Variants in MFN1 observed in about 807,000 individuals in gnomAD.
MFN1 encodes the protein mitofusin-1.
MFN1 carries 65 observed loss-of-function variants against 92.4 expected under a neutral mutation model. The ratio of observed to expected loss-of-function variants is 0.70; its 90% CI spans 0.58 to 0.86. The LOEUF (loss-of-function observed/expected upper bound fraction) is 0.86. MFN1 is among the 40% of genes least tolerant of loss of function. The pLI is 0.00. For missense variants in MFN1, 781 were observed against 868.0 expected (o/e 0.90, Z 1.26); for synonymous variants, 297 against 300.9 (o/e 0.99, Z 0.13).
At chr3:179,347,920 C>T (rs890036677) in intron 1 of MFN1, 110 bp downstream of exon 1, 1 of 152,272 alleles carries the variant, frequency 6.6e-6, no homozygotes, top group Non-Finnish European at 1.5e-5. Flanking sequence ...CGAGGCGCCG[C>T]CCGCCGCGGT....
intron 3 of MFN1, among the ~76,000 whole-genome samples, chr3:179,356,644 T>A (rs1231754432): frequency 6.6e-6 from 1 of 152,130 alleles, no homozygotes; most frequent in Non-Finnish European, 1.5e-5. Flanking sequence ...AGTTGTTTTT[T>A]TTGTTCGTTT....
intron 16 of MFN1, among the ~76,000 whole-genome samples, chr3:179,387,943 A>G (rs2108560043): frequency 6.6e-6 from 1 of 152,210 alleles, no homozygotes; most frequent in South Asian, 2.1e-4. Flanking sequence ...CATGTTGGCC[A>G]GGATGGTCTC....
intron 4 of MFN1, 96 bp from the exon 5 acceptor site, chr3:179,362,262 A>G (rs921445521): frequency 8.3e-7 from 1 of 1,207,664 alleles, no homozygotes; most frequent in Non-Finnish European, 1.1e-6. Flanking sequence ...CCTTTTATAT[A>G]CCTGTTTTGC....
chr3:179,359,619 T>TTA (rs71181286), intron 4 of MFN1: 1 of 139,304 alleles, frequency 7.2e-6, no homozygotes, highest in Non-Finnish European at 1.5e-5. Context: ...TTTTTTTTTT[T>TTA]ATTAGAGACA....
At chr3:179,355,465 A>G (rs1043642097) in intron 3 of MFN1, among the ~76,000 whole-genome samples, 2 of 152,192 alleles carry the variant, frequency 1.3e-5, no homozygotes, top group South Asian at 2.1e-4. Context: ...ATACAACTAT[A>G]TATATTCAAG....
In MFN1 at chr3:179,375,464, ACTGATGC is replaced by A; in HGVS notation, c.1097+126_1097+132del. 5.4e-6 allele frequency: 6 copies of A among 1,106,760 alleles called. No individual in the cohort carries two copies. The South Asian group carries it at 7.0e-5, about 13-fold the overall frequency. The allele number at this position is 1,106,760 out of a possible 1,614,324, so 68.6% of individuals were successfully genotyped here. On this transcript the variant is annotated intron_variant, in intron 10 of 17. Coordinates refer to ENST00000471841, the MANE Select transcript of MFN1 (RefSeq NM_033540.3). ...CACTGAAATCAACCTTGTGGGTTTA[ACTGATGC>A]CTACTTCTATATTTTTAAGTGCGTA...
At chr3:179,385,062 C>T (rs1713623133) in intron 14 of MFN1, among the ~76,000 whole-genome samples, 1 of 150,922 alleles carries the variant, frequency 6.6e-6, no homozygotes, top group African/African-American at 2.4e-5. Context: ...TCCACCACCT[C>T]GCTGGGCTAA....
intron 5 of MFN1, among the ~76,000 whole-genome samples, chr3:179,363,874 A>G (rs906031614): frequency 2.0e-5 from 3 of 152,152 alleles, no homozygotes; most frequent in Non-Finnish European, 4.4e-5. Flanking sequence ...ATATATACCC[A>G]TAAAAATTTT....
At chr3:179,362,578 G>T in intron 5 of MFN1, 96 bp downstream of exon 5, 1 of 1,171,650 alleles carries the variant, frequency 8.5e-7, no homozygotes, top group Non-Finnish European at 1.2e-6. Context: ...ACAACATTCA[G>T]TTGCCATTTT....
At chr3:179,375,844 T>C (rs761861861) in intron 10 of MFN1, among the ~76,000 whole-genome samples, 10 of 152,232 alleles carry the variant, frequency 6.6e-5, no homozygotes, top group Admixed American at 3.3e-4. Flanking sequence ...CTTTATGTTA[T>C]ACTGTACGGC....
chr3:179,390,527 A>G (rs1187575637), intron 17 of MFN1, among the ~76,000 whole-genome samples: 1 of 152,206 alleles, frequency 6.6e-6, no homozygotes, highest in Non-Finnish European at 1.5e-5. Flanking sequence ...GGGACTATTG[A>G]TTATGTATAC....
At chr3:179,377,803 G>A (rs1430565268) in intron 12 of MFN1, among the ~76,000 whole-genome samples, 3 of 151,976 alleles carry the variant, frequency 2.0e-5, no homozygotes, top group Non-Finnish European at 2.9e-5. Context: ...GGTGGCTCCC[G>A]CCTTTAATCC....
intron 14 of MFN1, among the ~76,000 whole-genome samples, chr3:179,380,408 A>G (rs2108551674): frequency 7.1e-6 from 1 of 140,974 alleles, no homozygotes; most frequent in East Asian, 2.1e-4. Flanking sequence ...AAAAGCTTGC[A>G]TCCTCACTGT....
chr3:179,394,325 A>G lies in MFN1; in HGVS notation c.*2266A>G, dbSNP rs1202762420. The G allele has an allele frequency of 6.6e-6, 1 of 151,152 alleles. No homozygotes were observed. The highest frequency in any genetic ancestry group is 6.6e-5 in the Admixed American group (1 of 15,176). 9.4% of individuals were successfully genotyped at this position (151,152 alleles called of 1,614,324 possible). A position where few individuals can be genotyped will look rare whatever the true frequency, so the allele number is the denominator to read the frequency against. ...TTAGGTTTGGTATGGCAACTTTTTCATCACTTGTTTTATGTAGTTGTCTGA... is the reference window on the plus strand; with the variant it reads ...TTAGGTTTGGTATGGCAACTTTTTCGTCACTTGTTTTATGTAGTTGTCTGA... On this transcript the variant is annotated 3_prime_UTR_variant, in exon 18 of 18. Coordinates refer to ENST00000471841, the MANE Select transcript of MFN1 (RefSeq NM_033540.3).
At chr3:179,391,562 GGAGA>G (rs757978962) in intron 17 of MFN1, among the ~76,000 whole-genome samples, 2 of 152,056 alleles carry the variant, frequency 1.3e-5, no homozygotes, top group African/African-American at 2.4e-5. Flanking sequence ...CGTCCATAAT[GGAGA>G]GAGAGAGCCC....
intron 16 of MFN1, among the ~76,000 whole-genome samples, chr3:179,387,193 A>G (rs13313931): frequency 0.13 from 19,522 of 152,044 alleles, 4,172 homozygotes; most frequent in African/African-American, 0.44. Context: ...TGAGTAGCTG[A>G]GATTATAGGC....
In MFN1 at chr3:179,393,426, T is replaced by C. The variant is rs1342284154; in HGVS notation, c.*1367T>C. On this transcript the variant is annotated 3_prime_UTR_variant, in exon 18 of 18. Coordinates refer to ENST00000471841, the MANE Select transcript of MFN1 (RefSeq NM_033540.3). The stretch of plus-strand genomic sequence containing the variant: ...GGGATAAAATTTAAAGCTTTTTTTT[T>C]CTTTGAATACAGTCCTTCCTTTTCT... 2.0e-5 allele frequency: 3 copies of C among 152,186 alleles called. No individual in the cohort carries two copies. Among genetic ancestry groups the C allele is most frequent in the Non-Finnish European group, 4.4e-5 (3 of 68,022 alleles). 9.4% of individuals were successfully genotyped at this position (152,186 alleles called of 1,614,324 possible).
At chr3:179,376,335 C>G (rs1560197436) in intron 10 of MFN1, among the ~76,000 whole-genome samples, 1 of 152,010 alleles carries the variant, frequency 6.6e-6, no homozygotes, top group Non-Finnish European at 1.5e-5. Context: ...TGATGTAGTA[C>G]CCAAATTTTG....
At position 179,366,205 on chromosome 3, in the gene MFN1, C is replaced by T. The variant is rs987261634; in HGVS notation, c.753+980C>T. Among the ~76,000 whole-genome samples the T allele has an allele frequency of 5.9e-5, 9 of 152,092 alleles. No homozygotes were observed. The East Asian group carries it at 7.7e-4, about 13-fold the overall frequency. ...CAAGCAAACACTGGCCAATCCAAAA[C>T]GTCAGTAATGCAGACGTCAGTAAAC... On this transcript the variant is annotated intron_variant, in intron 7 of 17. Coordinates refer to ENST00000471841, the MANE Select transcript of MFN1 (RefSeq NM_033540.3).
Sources: allele counts gnomAD v4.1 joint callset (sites outside exome capture counted in the v4.1 genomes callset), GRCh38; gene constraint gnomAD v4.1.1; transcripts MANE v1.5; gene names NCBI Gene and HGNC (gene_info 2026-07-23, HGNC 2026-07-21).